Variants in PLXDC2 observed in about 807,000 individuals in gnomAD.
PLXDC2 encodes the protein plexin domain-containing protein 2.
A neutral mutation model predicts 68.9 loss-of-function variants in PLXDC2; 40 were observed. The observed-to-expected ratio is 0.58, with a 90% confidence interval of 0.45 to 0.76. The LOEUF is 0.76. PLXDC2 is among the 30% of genes least tolerant of loss of function. The probability of loss-of-function intolerance (pLI) is 0.00; values close to 1 mark genes in which losing one functional copy is unlikely to be tolerated. For missense variants in PLXDC2, 644 were observed against 661.9 expected (o/e 0.97, Z 0.30); for synonymous variants, 243 against 234.2 (o/e 1.04, Z -0.34).
chr10:19,972,663 A>T (rs1012469759), intron 1 of PLXDC2, among the ~76,000 whole-genome samples: 2 of 152,226 alleles, frequency 1.3e-5, no homozygotes, highest in Admixed American at 1.3e-4. Context: ...AAAATGATGT[A>T]TCTGGCAATC....
At chr10:19,870,792 G>A (rs1352213610) in intron 1 of PLXDC2, among the ~76,000 whole-genome samples, 1 of 152,136 alleles carries the variant, frequency 6.6e-6, no homozygotes, top group Non-Finnish European at 1.5e-5. Context: ...ACACCTGTTT[G>A]GTGTCAGGCT....
intron 6 of PLXDC2, among the ~76,000 whole-genome samples, chr10:20,153,638 G>A (rs1270837993): frequency 6.6e-6 from 1 of 152,084 alleles, no homozygotes; most frequent in Non-Finnish European, 1.5e-5. Flanking sequence ...CTTCATATAT[G>A]TCAAGCACCG....
chr10:19,881,874 A>G (rs1306380364), intron 1 of PLXDC2, among the ~76,000 whole-genome samples: 1 of 152,202 alleles, frequency 6.6e-6, no homozygotes, highest in East Asian at 1.9e-4. Flanking sequence ...TTACTATGCA[A>G]AGCCCATATT....
intron 1 of PLXDC2, among the ~76,000 whole-genome samples, chr10:19,910,009 G>A (rs74122114): frequency 0.023 from 3,540 of 152,138 alleles, 131 homozygotes; most frequent in African/African-American, 0.08. Flanking sequence ...TCAAAAATCC[G>A]TGTTTTGCCT....
intron 1 of PLXDC2, among the ~76,000 whole-genome samples, chr10:19,848,303 G>A (rs1178177519): frequency 6.6e-6 from 1 of 152,086 alleles, no homozygotes; most frequent in Non-Finnish European, 1.5e-5. Context: ...TAGACACTTT[G>A]CCTCAGTTTT....
At chr10:20,204,998 C>T (rs1834971878) in intron 9 of PLXDC2, among the ~76,000 whole-genome samples, 1 of 152,116 alleles carries the variant, frequency 6.6e-6, no homozygotes, top group Non-Finnish European at 1.5e-5. Flanking sequence ...CATTTTTGAT[C>T]CTTATGTATT....
chr10:19,960,496 T>C (rs1834139099), intron 1 of PLXDC2, among the ~76,000 whole-genome samples: 1 of 152,196 alleles, frequency 6.6e-6, no homozygotes, highest in Non-Finnish European at 1.5e-5. Context: ...TTTGTGAGGA[T>C]GGGGCCTCTT....
chr10:19,835,937 T>C (rs1836782473), intron 1 of PLXDC2, among the ~76,000 whole-genome samples: 1 of 152,060 alleles, frequency 6.6e-6, no homozygotes, highest in African/African-American at 2.4e-5. Flanking sequence ...TTTGGGGGGC[T>C]GACATGGGAG....
At chr10:19,999,327 C>A (rs1834891057) in intron 1 of PLXDC2, among the ~76,000 whole-genome samples, 1 of 150,844 alleles carries the variant, frequency 6.6e-6, no homozygotes, top group Non-Finnish European at 1.5e-5. Flanking sequence ...AAACCAAGAG[C>A]TGCTTTGAAA....
chr10:19,940,764 T>C (rs1191628467), intron 1 of PLXDC2, among the ~76,000 whole-genome samples: 1 of 152,218 alleles, frequency 6.6e-6, no homozygotes, highest in Non-Finnish European at 1.5e-5. Context: ...TAGAATTAAA[T>C]ATTTCATGAG....
chr10:20,179,274 C>T (rs1254678143), intron 9 of PLXDC2, among the ~76,000 whole-genome samples: 2 of 152,042 alleles, frequency 1.3e-5, no homozygotes, highest in Admixed American at 6.6e-5. Context: ...GGCTTGCTGA[C>T]GCTTGTTCAT....
intron 6 of PLXDC2, among the ~76,000 whole-genome samples, chr10:20,164,158 G>T (rs868411756): frequency 3.9e-5 from 6 of 152,058 alleles, no homozygotes; most frequent in Middle Eastern, 3.4e-3. Flanking sequence ...ATGAATTCAT[G>T]GTGTGCCTAT....
At chr10:20,199,548 TA>T (rs1482610733) in intron 9 of PLXDC2, among the ~76,000 whole-genome samples, 4 of 152,014 alleles carry the variant, frequency 2.6e-5, no homozygotes, top group African/African-American at 9.6e-5. Context: ...TGCAATGATT[TA>T]AGCTTCTTAA....
At chr10:20,187,152 G>T (rs375303402) in intron 9 of PLXDC2, among the ~76,000 whole-genome samples, 3 of 151,712 alleles carry the variant, frequency 2.0e-5, no homozygotes, top group Non-Finnish European at 4.4e-5. Context: ...GAAATGTCTG[G>T]TTGGATACCT....
chr10:20,226,693 A>G (rs138037166), intron 12 of PLXDC2, among the ~76,000 whole-genome samples: 3 of 152,184 alleles, frequency 2.0e-5, no homozygotes, highest in African/African-American at 7.2e-5. Context: ...GAACGAGATG[A>G]TATAGCAGAG....
intron 1 of PLXDC2, among the ~76,000 whole-genome samples, chr10:19,985,957 A>G (rs1564647831): frequency 1.3e-5 from 2 of 152,106 alleles, no homozygotes; most frequent in African/African-American, 4.8e-5. Context: ...CTCCAGTCAC[A>G]CTGGTCCTCC....
rs556477923 is a variant in PLXDC2, at chr10:20,030,770, A to G, written c.325-16099A>G. Among the ~76,000 whole-genome samples, 10 of 152,268 alleles carry G rather than the reference A, an allele frequency of 6.6e-5. No individual in the cohort carries two copies. The East Asian group carries it at 1.5e-3, about 24-fold the overall frequency. On this transcript the variant is annotated intron_variant, in intron 2 of 13. Coordinates refer to ENST00000377252, the MANE Select transcript of PLXDC2 (RefSeq NM_032812.9). ...ATTCAGGTGAGCTCTGAAAGTCCCC[A>G]AAATAAAAAGGTGTGGGTTTCTGGG... is the stretch of plus-strand genomic sequence containing the variant.
At chr10:19,964,429 A>G (rs1352507742) in intron 1 of PLXDC2, among the ~76,000 whole-genome samples, 1 of 152,206 alleles carries the variant, frequency 6.6e-6, no homozygotes, top group Admixed American at 6.5e-5. Flanking sequence ...CCATTCCTGC[A>G]TAATATACTA....
intron 13 of PLXDC2, among the ~76,000 whole-genome samples, chr10:20,264,465 A>T (rs1443375419): frequency 1.3e-5 from 2 of 152,184 alleles, no homozygotes; most frequent in Non-Finnish European, 2.9e-5. Context: ...AACATCAAAT[A>T]AAAATTTTTT....
Sources: gnomAD v4.1 joint callset for allele counts (sites outside exome capture counted in the v4.1 genomes callset) on GRCh38, gnomAD v4.1.1 for gene constraint, MANE v1.5 for transcripts, NCBI Gene and HGNC (gene_info 2026-07-23, HGNC 2026-07-21) for gene names.